VPS13B: variants seen among roughly 807,000 people sequenced by gnomAD.
VPS13B encodes the protein vacuolar protein sorting 13 homolog B.
In VPS13B, 285 loss-of-function variants were observed where a neutral mutation model predicts 426.4. The ratio of observed to expected loss-of-function variants is 0.67; its 90% CI spans 0.61 to 0.74. The LOEUF is 0.74. VPS13B is among the 30% of genes least tolerant of loss of function. The pLI is 0.00. For synonymous variants in VPS13B, 1,676 were observed against 1,676.4 expected, an observed-to-expected ratio of 1.00 and a Z score of 0.01; for missense variants, 4,537 against 4,782.6, an observed-to-expected ratio of 0.95 and a Z score of 1.51.
intron 23 of VPS13B, among the ~76,000 whole-genome samples, chr8:99,462,359 T>G (rs1818887958): frequency 6.6e-6 from 1 of 152,186 alleles, no homozygotes; most frequent in African/African-American, 2.4e-5. Flanking sequence ...TTTTTTATTC[T>G]TGACATCATT....
chr8:99,383,364 T>C (rs1430273543), intron 19 of VPS13B, among the ~76,000 whole-genome samples: 1 of 152,156 alleles, frequency 6.6e-6, no homozygotes, highest in Non-Finnish European at 1.5e-5. Context: ...ATGAAAAAGT[T>C]ATTTAGGAAT....
chr8:99,400,874 G>T (rs913218391), intron 21 of VPS13B, among the ~76,000 whole-genome samples: 5 of 152,152 alleles, frequency 3.3e-5, no homozygotes, highest in Admixed American at 6.6e-5. Flanking sequence ...GTTTCACCAT[G>T]TTGGCCAGGC....
intron 31 of VPS13B, among the ~76,000 whole-genome samples, chr8:99,561,568 T>A (rs1485914811): frequency 6.6e-6 from 1 of 152,210 alleles, no homozygotes; most frequent in Non-Finnish European, 1.5e-5. Flanking sequence ...AGTACAGTAT[T>A]CAATAACTAC....
At chr8:99,517,922 A>T (rs972644597) in intron 29 of VPS13B, among the ~76,000 whole-genome samples, 1 of 150,922 alleles carries the variant, frequency 6.6e-6, no homozygotes, top group African/African-American at 2.4e-5. Flanking sequence ...TATTTTTATT[A>T]TTTTTTTTTA....
intron 25 of VPS13B, among the ~76,000 whole-genome samples, chr8:99,482,995 G>GT (rs983552539): frequency 2.6e-5 from 4 of 151,984 alleles, no homozygotes; most frequent in African/African-American, 2.4e-5. Context: ...AGAAGTTAAC[G>GT]TTTTTTTGTT....
At chr8:99,610,256 T>G (rs1827785898) in intron 33 of VPS13B, among the ~76,000 whole-genome samples, 2 of 152,102 alleles carry the variant, frequency 1.3e-5, no homozygotes, top group Non-Finnish European at 2.9e-5. Flanking sequence ...ACCCAAAGGA[T>G]TATAAATCAT....
At chr8:99,737,103 C>CTTTTT (rs1156447524) in intron 39 of VPS13B, among the ~76,000 whole-genome samples, 4 of 50,654 alleles carry the variant, frequency 7.9e-5, no homozygotes, top group African/African-American at 3.4e-4. Context: ...TGAAGATGTC[C>CTTTTT]TTCTTTTTTT....
Position 99,875,758 on chromosome 8 carries a change from A to G in VPS13B, c.*92A>G. 1 of 1,543,944 alleles carries G rather than the reference A, an allele frequency of 6.5e-7. No individual in the cohort carries two copies. The highest frequency in any genetic ancestry group is 8.9e-7 in the Non-Finnish European group (1 of 1,126,284). On this transcript the variant is annotated 3_prime_UTR_variant, in exon 62 of 62. Transcript: ENST00000357162. ...CACTGCATTGCCCTTGCTGACCTCA[A>G]ATTCTGGGGTTCAAGCAATCCTCCC...
chr8:99,521,541 C>A (rs1822378896), intron 30 of VPS13B, among the ~76,000 whole-genome samples: 1 of 152,136 alleles, frequency 6.6e-6, no homozygotes, highest in South Asian at 2.1e-4. Flanking sequence ...CAAACCACAC[C>A]AAGCATACAT....
chr8:99,199,523 A>C (rs1053955901), intron 17 of VPS13B, among the ~76,000 whole-genome samples: 6 of 152,006 alleles, frequency 3.9e-5, no homozygotes, highest in Non-Finnish European at 8.8e-5. Flanking sequence ...CTTTCATCAT[A>C]ATCTCATGCC....
intron 2 of VPS13B, among the ~76,000 whole-genome samples, chr8:99,032,279 G>A (rs968119418): frequency 6.6e-6 from 1 of 152,096 alleles, no homozygotes; most frequent in Middle Eastern, 3.4e-3. Context: ...TGTTGTTTTG[G>A]TTTTTCTTTG....
At chr8:99,116,420 A>G (rs919374939) in intron 7 of VPS13B, among the ~76,000 whole-genome samples, 1 of 151,946 alleles carries the variant, frequency 6.6e-6, no homozygotes, top group African/African-American at 2.4e-5. Context: ...TAATAGATAT[A>G]AGTGTTCAGA....
chr8:99,606,842 T>A (rs111289937), intron 33 of VPS13B, among the ~76,000 whole-genome samples: 214 of 152,272 alleles, frequency 1.4e-3, no homozygotes, highest in African/African-American at 4.8e-3. Context: ...TATGGTATTC[T>A]TCCTTCATCT....
chr8:99,556,359 T>C (rs374254018), intron 30 of VPS13B, 91 bp from the exon 31 acceptor site: 14 of 1,379,960 alleles, frequency 1.0e-5, no homozygotes, highest in Middle Eastern at 2.4e-4. Flanking sequence ...AAAAATGGTA[T>C]TGACACTATG....
At position 99,725,324 on chromosome 8, in the gene VPS13B, CAGA is replaced by C. The variant is rs542066288; in HGVS notation, c.7050+4280_7050+4282del. Among the ~76,000 whole-genome samples the C allele has an allele frequency of 4.9e-3, 747 of 152,308 alleles. 5 individuals carry two copies. Among genetic ancestry groups the C allele is most frequent in the African/African-American group, 0.017 (701 of 41,570 alleles). On this transcript the variant is annotated intron_variant, in intron 39 of 61. Transcript: ENST00000357162. ...GCCTGTTAGGAACCAGGCCACACAG[CAGA>C]AGGTGAGTGGCAGGCAAGCATTCCC...
At chr8:99,593,100 A>G (rs750590746) in intron 33 of VPS13B, among the ~76,000 whole-genome samples, 8 of 152,194 alleles carry the variant, frequency 5.3e-5, no homozygotes, top group African/African-American at 1.9e-4. Flanking sequence ...GCACAGCAAT[A>G]GAAACTATCA....
chr8:99,637,805 C>T (rs1032562073), intron 33 of VPS13B, among the ~76,000 whole-genome samples: 4 of 152,086 alleles, frequency 2.6e-5, no homozygotes, highest in Non-Finnish European at 4.4e-5. Flanking sequence ...ATGCTCTATG[C>T]ATAGAAACTA....
At chr8:99,741,527 T>C (rs192163410) in intron 39 of VPS13B, among the ~76,000 whole-genome samples, 5,806 of 152,222 alleles carry the variant, frequency 0.038, 118 homozygotes, top group East Asian at 0.047. Context: ...ATACATTCTT[T>C]TCAGCACCAC....
chr8:99,692,056 AC>A (rs1831695603), intron 35 of VPS13B, among the ~76,000 whole-genome samples: 1 of 147,726 alleles, frequency 6.8e-6, no homozygotes, highest in South Asian at 2.2e-4. Context: ...GTCCTGAGTG[AC>A]CTACAAAGAG....
Sources: allele counts gnomAD v4.1 joint callset (sites outside exome capture counted in the v4.1 genomes callset), GRCh38; gene constraint gnomAD v4.1.1; transcripts MANE v1.5; gene names NCBI Gene and HGNC (gene_info 2026-07-23, HGNC 2026-07-21).